Variants in MTA3 observed in about 807,000 individuals in gnomAD.
MTA3 encodes the protein metastasis-associated protein MTA3.
Under a neutral mutation model 83.5 loss-of-function variants are expected in MTA3, and 34 were observed. The ratio of observed to expected loss-of-function variants is 0.41; its 90% confidence interval spans 0.31 to 0.54. The LOEUF (loss-of-function observed/expected upper bound fraction) is 0.54, where lower values mean the gene tolerates loss of function less well. Ranked by LOEUF, MTA3 falls within the 20% of genes least tolerant of loss-of-function variation. MTA3 has a pLI of 0.33. For synonymous variants in MTA3, 303 were observed against 252.7 expected (o/e 1.20, Z -1.89); for missense variants, 761 against 726.4 (o/e 1.05, Z -0.55).
rs143043103 is a variant in MTA3, at chr2:42,726,878, A to G, written c.1759+3843A>G. 2.2e-4 allele frequency among the ~76,000 whole-genome samples: 33 copies of G among 152,230 alleles called. No homozygotes were observed. The East Asian group carries it at 6.2e-3, about 29-fold the overall frequency. On this transcript the variant is annotated intron_variant, in intron 16 of 16. Transcript: ENST00000405094. ...CCCTGTGACCAATCTAATAGAATCT[A>G]AACTCCAAAGGTGAAGATGAAAGAT...
At chr2:42,589,952 G>T (rs545850477) in intron 3 of MTA3, among the ~76,000 whole-genome samples, 3 of 152,280 alleles carry the variant, frequency 2.0e-5, no homozygotes, top group Admixed American at 2.0e-4. Context: ...GAGAGGAGAT[G>T]CCTGTATATA....
intron 2 of MTA3, among the ~76,000 whole-genome samples, chr2:42,518,692 A>G (rs1316510452): frequency 1.3e-5 from 2 of 152,120 alleles, no homozygotes; most frequent in Non-Finnish European, 2.9e-5. Context: ...AGAATATAGT[A>G]TAGGCCAGGT....
intron 3 of MTA3, among the ~76,000 whole-genome samples, chr2:42,587,446 G>C (rs982273198): frequency 6.6e-6 from 1 of 152,044 alleles, no homozygotes; most frequent in Non-Finnish European, 1.5e-5. Flanking sequence ...CTAGCTTCTG[G>C]TGTCTTTTCC....
At chr2:42,550,712 G>A (rs1677070030) in intron 2 of MTA3, among the ~76,000 whole-genome samples, 1 of 152,142 alleles carries the variant, frequency 6.6e-6, no homozygotes, top group South Asian at 2.1e-4. Context: ...TGGACTTGAT[G>A]GTGGAAGTAC....
At position 42,619,729 on chromosome 2, in the gene MTA3, A is replaced by T. The variant is rs185942906; in HGVS notation, c.317+10145A>T. Reference sequence around the variant, plus strand: ...GGATTTTTCAAATTATTATTTCTTTATGCCCAGATGTCCCCCAAGACTTTT... The same window carrying T: ...GGATTTTTCAAATTATTATTTCTTTTTGCCCAGATGTCCCCCAAGACTTTT... On this transcript the variant is annotated intron_variant, in intron 4 of 16. Coordinates refer to ENST00000405094, the MANE Select transcript of MTA3 (RefSeq NM_001330442.2). 2.5e-4 allele frequency among the ~76,000 whole-genome samples: 38 copies of T among 152,332 alleles called. 1 individual carries two copies. Among genetic ancestry groups the T allele is most frequent in the Admixed American group, 2.1e-3 (32 of 15,298 alleles).
chr2:42,667,611 TAGAGAGAGAAAGAGAGAGAGAG>T (rs1389764418), intron 8 of MTA3, among the ~76,000 whole-genome samples: 1 of 120,500 alleles, frequency 8.3e-6, no homozygotes, highest in Non-Finnish European at 1.7e-5. Flanking sequence ...TGTGTGTGTA[TAGAGAGAGAAAGAGAGAGAGAG>T]AGAGAGAGAG....
chr2:42,744,734 G>A (rs1319335722), intron 16 of MTA3, among the ~76,000 whole-genome samples: 12 of 152,170 alleles, frequency 7.9e-5, no homozygotes, highest in African/African-American at 2.9e-4. Context: ...CTTAGAAGAG[G>A]TTTGACTCAT....
At position 42,686,742 on chromosome 2, in the gene MTA3, G is replaced by T. The variant is rs558671815; in HGVS notation, c.891+4153G>T. Among the ~76,000 whole-genome samples, 20 of 152,126 alleles carry T rather than the reference G, an allele frequency of 1.3e-4. No homozygotes were observed. In the South Asian group the frequency reaches 3.9e-3, roughly 30 times the overall value. Reference sequence around the variant, plus strand: ...CTCGATAGACTGAGGCAGGAGAATCGCTGGAACCCAGGAAGTGAAGGTTGC... The same window carrying T: ...CTCGATAGACTGAGGCAGGAGAATCTCTGGAACCCAGGAAGTGAAGGTTGC... On this transcript the variant is annotated intron_variant, in intron 9 of 16. Coordinates refer to ENST00000405094, the MANE Select transcript of MTA3 (RefSeq NM_001330442.2).
At chr2:42,706,554 G>A (rs1467241699) in intron 12 of MTA3, among the ~76,000 whole-genome samples, 1 of 152,148 alleles carries the variant, frequency 6.6e-6, no homozygotes, top group Admixed American at 6.5e-5. Flanking sequence ...TTCATGTGCT[G>A]TTTGAACATT....
At chr2:42,578,314 C>CT (rs1679267503) in intron 2 of MTA3, among the ~76,000 whole-genome samples, 1 of 152,172 alleles carries the variant, frequency 6.6e-6, no homozygotes, top group South Asian at 2.1e-4. Context: ...GAGCAGGAGC[C>CT]TGGGCCCCAG....
chr2:42,507,857 G>C (rs1674706211), intron 2 of MTA3, among the ~76,000 whole-genome samples: 2 of 151,632 alleles, frequency 1.3e-5, no homozygotes, highest in East Asian at 3.9e-4. Flanking sequence ...CTTGAGCCCG[G>C]GAGGCAGAGA....
At chr2:42,616,686 C>T (rs1179139374) in intron 4 of MTA3, among the ~76,000 whole-genome samples, 2 of 144,742 alleles carry the variant, frequency 1.4e-5, no homozygotes, top group African/African-American at 5.1e-5. Context: ...TGAGATGATG[C>T]TCCCACCTTA....
intron 3 of MTA3, among the ~76,000 whole-genome samples, chr2:42,597,468 C>G (rs1246594801): frequency 1.3e-5 from 2 of 150,172 alleles, no homozygotes; most frequent in Non-Finnish European, 3.0e-5. Flanking sequence ...TCACTGCAAC[C>G]CCCACCTCCT....
chr2:42,602,412 G>GGA (rs1246648976), intron 3 of MTA3, among the ~76,000 whole-genome samples: 1 of 152,134 alleles, frequency 6.6e-6, no homozygotes, highest in African/African-American at 2.4e-5. Context: ...TAATTACCTA[G>GGA]GAGAAACATT....
At chr2:42,605,726 C>T (rs1245266849) in intron 3 of MTA3, among the ~76,000 whole-genome samples, 2 of 130,512 alleles carry the variant, frequency 1.5e-5, no homozygotes, top group East Asian at 2.5e-4. Context: ...GACCCCCCCA[C>T]CTCCCTCCTG....
intron 8 of MTA3, among the ~76,000 whole-genome samples, chr2:42,677,900 T>G (rs1691529849): frequency 1.3e-5 from 2 of 152,214 alleles, no homozygotes; most frequent in Admixed American, 1.3e-4. Context: ...AATATCTTAC[T>G]GTACTATATT....
At chr2:42,538,314 C>T (rs753757425) in intron 2 of MTA3, among the ~76,000 whole-genome samples, 7 of 151,922 alleles carry the variant, frequency 4.6e-5, no homozygotes, top group Non-Finnish European at 1.0e-4. Context: ...ATTGGCCAAT[C>T]GGTAAGTATG....
At chr2:42,503,159 G>T (rs1674476338) in intron 2 of MTA3, among the ~76,000 whole-genome samples, 1 of 152,190 alleles carries the variant, frequency 6.6e-6, no homozygotes, top group African/African-American at 2.4e-5. Context: ...CCCAAGGGCT[G>T]CTGGTTGCCC....
chr2:42,715,999 G>C (rs909379827), intron 14 of MTA3, among the ~76,000 whole-genome samples: 8 of 152,192 alleles, frequency 5.3e-5, no homozygotes, highest in African/African-American at 1.9e-4. Context: ...AAATTATGTA[G>C]TGTTAACTCA....
Sources: gnomAD v4.1 joint callset for allele counts (sites outside exome capture counted in the v4.1 genomes callset) on GRCh38, gnomAD v4.1.1 for gene constraint, MANE v1.5 for transcripts, NCBI Gene and HGNC (gene_info 2026-07-23, HGNC 2026-07-21) for gene names.